The following EXOC2 variants were observed in gnomAD, a reference collection of about 807,000 sequenced individuals.
The protein encoded by EXOC2 is exocyst complex component 2, also known as SEC5-like 1.
EXOC2 carries 70 observed loss-of-function variants against 131.8 expected under a neutral mutation model. The ratio of observed to expected loss-of-function variants is 0.53; its 90% CI spans 0.44 to 0.65. The LOEUF (loss-of-function observed/expected upper bound fraction) is 0.65. Among genes scored for constraint, EXOC2 ranks in the 30% least tolerant of loss-of-function variants. The pLI, the probability that EXOC2 is intolerant of heterozygous loss-of-function variation, is 0.00. For synonymous variants in EXOC2, 411 were observed against 398.4 expected (o/e 1.03, Z -0.38); for missense variants, 923 against 1,108.6 (o/e 0.83, Z 2.38).
intron 18 of EXOC2, 26 bp downstream of exon 18, chr6:556,458 A>T: frequency 1.2e-6 from 2 of 1,610,024 alleles, no homozygotes; most frequent in Non-Finnish European, 1.7e-6. Context: ...GGGAAACTGG[A>T]GTCCAAGCGG....
intron 13 of EXOC2, 104 bp downstream of exon 13, chr6:572,416 G>T: frequency 7.3e-7 from 1 of 1,371,184 alleles, no homozygotes; most frequent in South Asian, 1.5e-5. Flanking sequence ...GATGGCTAGA[G>T]ATGTTGGGCC....
At chr6:613,758 C>T (rs1760835668) in intron 6 of EXOC2, among the ~76,000 whole-genome samples, 1 of 152,146 alleles carries the variant, frequency 6.6e-6, no homozygotes, top group Admixed American at 6.5e-5. Flanking sequence ...ATTTGGATAG[C>T]ATCAGGAGAT....
At chr6:618,631 C>T (rs553983746) in intron 5 of EXOC2, among the ~76,000 whole-genome samples, 2 of 152,256 alleles carry the variant, frequency 1.3e-5, no homozygotes, top group South Asian at 4.1e-4. Context: ...TAAATTTACC[C>T]TATGTATTAA....
chr6:631,513 C>T (rs1476096678), intron 3 of EXOC2, among the ~76,000 whole-genome samples: 2 of 151,508 alleles, frequency 1.3e-5, no homozygotes, highest in East Asian at 1.9e-4. Context: ...CATTGCACTC[C>T]AGCATGGGCG....
Position 532,891 on chromosome 6 carries a change from G to T in EXOC2, c.2239-281C>A, listed in dbSNP as rs186189107. On this transcript the variant is annotated intron_variant, in intron 22 of 27. Transcript: ENST00000230449. ...AAGATTAGGTAATTTATAAAAGAAA[G>T]AAGTTTAATTGACTCAATTATGTTA... Among the ~76,000 whole-genome samples, 127 of 152,268 alleles carry T rather than the reference G, an allele frequency of 8.3e-4. 1 individual carries two copies. Among genetic ancestry groups the T allele is most frequent in the African/African-American group, 2.4e-3 (98 of 41,526 alleles).
At chr6:492,361 TAAGTATAGAGTAACCACATGA>T (rs1763485382) in intron 25 of EXOC2, among the ~76,000 whole-genome samples, 2 of 152,150 alleles carry the variant, frequency 1.3e-5, no homozygotes, top group Non-Finnish European at 2.9e-5. Context: ...CTCAGAAGAT[TAAGTATAGAGTAACCACATGA>T]CCTAGCAATT....
At chr6:551,619 C>T (rs186924650) in intron 21 of EXOC2, among the ~76,000 whole-genome samples, 1 of 152,268 alleles carries the variant, frequency 6.6e-6, no homozygotes, top group East Asian at 1.9e-4. Context: ...GGACACAGCA[C>T]ACCAGGAGGG....
Position 633,084 on chromosome 6 carries a change from G to A in EXOC2, c.152C>T (p.Thr51Met), listed in dbSNP as rs755697381. 4.3e-5 allele frequency: 70 copies of A among 1,613,592 alleles called. No homozygotes were observed. Among genetic ancestry groups the A allele is most frequent in the Non-Finnish European group, 5.3e-5 (62 of 1,180,002 alleles). ...TTTACTTGCAGACATCCATTCTGCC[G>A]TCAGGAGGCAATTATGTCCACAAAT... ...LTICGHNCLLTAEWMSASKIV... is the reference protein window; with the variant it reads ...LTICGHNCLLMAEWMSASKIV... The change falls in exon 3 of 28, where the codon ACG becomes ATG. Residue 51 changes from threonine to methionine, a missense_variant. Thr to Met is a moderately conservative substitution (Grantham distance 81, BLOSUM62 -1). Coordinates refer to ENST00000230449, the MANE Select transcript of EXOC2 (RefSeq NM_018303.6).
chr6:557,279 A>C (rs1386008892), intron 17 of EXOC2, among the ~76,000 whole-genome samples: 1 of 152,200 alleles, frequency 6.6e-6, no homozygotes, highest in African/African-American at 2.4e-5. Context: ...ATGGTTTAAA[A>C]AAGTATAGAA....
intron 1 of EXOC2, among the ~76,000 whole-genome samples, chr6:690,302 G>C (rs1249587427): frequency 6.6e-6 from 1 of 152,300 alleles, no homozygotes; most frequent in Non-Finnish European, 1.5e-5. Flanking sequence ...GCTGCAGTGT[G>C]TTGTGACTGT....
chr6:679,284 A>C (rs566241466), intron 1 of EXOC2: 8 of 151,820 alleles, frequency 5.3e-5, no homozygotes, highest in South Asian at 2.1e-4. Context: ...CAAGAGCTTC[A>C]AAAAAAAATT....
In EXOC2 at chr6:485,978, G is replaced by T. The variant is rs1253829750; in HGVS notation, c.*693C>A. The T allele has an allele frequency of 6.6e-6, 1 of 152,276 alleles. No homozygotes were observed. Among genetic ancestry groups the T allele is most frequent in the Non-Finnish European group, 1.5e-5 (1 of 68,062 alleles). The allele number at this position is 152,276 out of a possible 1,614,324, so 9.4% of individuals were successfully genotyped here. ...GCCTCAGGGACTGCAACACGTGCAT[G>T]TGTAGTGACGCACGACAAATTAAGA... is the stretch of plus-strand genomic sequence containing the variant. On this transcript the variant is annotated 3_prime_UTR_variant, in exon 28 of 28. Transcript: ENST00000230449.
intron 1 of EXOC2, among the ~76,000 whole-genome samples, chr6:648,470 T>G (rs1432229141): frequency 6.6e-6 from 1 of 152,176 alleles, no homozygotes; most frequent in Non-Finnish European, 1.5e-5. Flanking sequence ...CTACAAATTT[T>G]CCTCACAAAT....
At chr6:692,213 A>G (rs1012300053) in intron 1 of EXOC2, among the ~76,000 whole-genome samples, 13 of 152,264 alleles carry the variant, frequency 8.5e-5, no homozygotes, top group Non-Finnish European at 1.8e-4. Context: ...TAAAGGCATC[A>G]GACTTAAAAT....
intron 23 of EXOC2, among the ~76,000 whole-genome samples, chr6:503,633 T>C (rs947895011): frequency 6.6e-6 from 1 of 152,202 alleles, no homozygotes; most frequent in Non-Finnish European, 1.5e-5. Context: ...ATTTGTTATA[T>C]GTTTGGTTGC....
At chr6:500,401 G>C (rs1227406568) in intron 23 of EXOC2, among the ~76,000 whole-genome samples, 1 of 152,214 alleles carries the variant, frequency 6.6e-6, no homozygotes, top group East Asian at 1.9e-4. Flanking sequence ...TTAAGAATGT[G>C]GGGTCTGAGG....
At chr6:529,404 C>A (rs543323363) in intron 23 of EXOC2, among the ~76,000 whole-genome samples, 15 of 151,644 alleles carry the variant, frequency 9.9e-5, no homozygotes, top group African/African-American at 3.4e-4. Flanking sequence ...AGAGGGCTGG[C>A]AAAGAAAAGT....
At chr6:672,160 C>G (rs1314672550) in intron 1 of EXOC2, among the ~76,000 whole-genome samples, 1 of 152,126 alleles carries the variant, frequency 6.6e-6, no homozygotes, top group African/African-American at 2.4e-5. Flanking sequence ...TCTGAAGACT[C>G]TATTGATGTT....
intron 12 of EXOC2, among the ~76,000 whole-genome samples, chr6:575,897 G>A (rs1489377957): frequency 1.7e-4 from 26 of 152,206 alleles, no homozygotes; most frequent in Admixed American, 1.7e-3. Flanking sequence ...AATGTTTGGT[G>A]AGCTGGGAGA....
Sources: allele counts gnomAD v4.1 joint callset (sites outside exome capture counted in the v4.1 genomes callset), GRCh38; gene constraint gnomAD v4.1.1; transcripts MANE v1.5; gene names NCBI Gene and HGNC (gene_info 2026-07-23, HGNC 2026-07-21).